Variants in ABHD2 observed in about 807,000 individuals in gnomAD.
ABHD2 encodes abhydrolase domain containing 2, acylglycerol lipase, also known as monoacylglycerol lipase ABHD2.
A neutral mutation model predicts 48.1 loss-of-function variants in ABHD2; 20 were observed. The observed-to-expected ratio is 0.42, with a 90% CI of 0.29 to 0.60. ABHD2 has a LOEUF of 0.60. ABHD2 is among the 20% of genes least tolerant of loss of function. ABHD2 has a pLI of 0.24. For missense variants in ABHD2, 405 were observed against 550.9 expected, an observed-to-expected ratio of 0.74 and a Z score of 2.65; for synonymous variants, 209 against 214.2, an observed-to-expected ratio of 0.98 and a Z score of 0.21.
chr15:89,151,689 G>C lies in ABHD2; in HGVS notation c.207G>C (p.Pro69=), dbSNP rs144690140. 1 of 1,613,862 alleles carries C rather than the reference G, an allele frequency of 6.2e-7. No individual in the cohort carries two copies. The highest frequency in any genetic ancestry group is 8.5e-7 in the Non-Finnish European group (1 of 1,179,898). ...CPLLTKEYIP[P]LIWGKSGHIQ... is the part of the protein sequence containing the mutation. ...GTCCTTTCTTTAGATACATTCCACC[G>C]TTGATCTGGGGGAAAAGTGGACACA... Residue 69 remains proline (P), a synonymous_variant, in exon 4 of 11, where the codon CCG becomes CCC. Coordinates refer to ENST00000352732, the MANE Select transcript of ABHD2 (RefSeq NM_152924.5). This position sits in a 1 kb window ranked among gnomAD's most constrained non-coding sequence, Gnocchi z 4.7.
chr15:89,056,377 C>T, the ABHD2 span, among the ~76,000 whole-genome samples: 1 of 152,162 alleles, frequency 6.6e-6, no homozygotes, highest in South Asian at 2.1e-4. Flanking sequence ...AACACCATGC[C>T]CCAGTGCAGG....
intron 5 of ABHD2, among the ~76,000 whole-genome samples, chr15:89,156,173 T>C (rs1011588204): frequency 7.2e-6 from 1 of 138,654 alleles, no homozygotes; most frequent in African/African-American, 2.7e-5. Context: ...CAGGCTGGAG[T>C]GCAGTGGCAC....
chr15:89,127,706 C>CATATAT lies in ABHD2; in HGVS notation c.194+11193_194+11198dup, dbSNP rs71464446. On this transcript the variant is annotated intron_variant, in intron 3 of 10. Coordinates refer to ENST00000352732, the MANE Select transcript of ABHD2 (RefSeq NM_152924.5). ...TCTTCTCAGTGAATATATATATATA[C>CATATAT]ATATATATATATACACATATATATA... is the stretch of plus-strand genomic sequence containing the variant. 8.7e-3 allele frequency among the ~76,000 whole-genome samples: 1,132 copies of CATATAT among 129,754 alleles called. 35 individuals are homozygous for CATATAT. The highest frequency in any genetic ancestry group is 0.017 in the African/African-American group (485 of 27,834). 85.1% of individuals were successfully genotyped at this position (129,754 alleles called of 152,430 possible).
the ABHD2 span, among the ~76,000 whole-genome samples, chr15:89,050,325 G>A: frequency 2.6e-5 from 4 of 152,160 alleles, no homozygotes; most frequent in East Asian, 5.8e-4. Flanking sequence ...CAGGGATGGC[G>A]GATGTCTCAG....
rs995852987 is a variant in ABHD2 at position 89,175,409 on chromosome 15, G to T, written c.539-403G>T. Among the ~76,000 whole-genome samples, 7 of 151,964 alleles carry T rather than the reference G, an allele frequency of 4.6e-5. No homozygotes were observed. The highest frequency in any genetic ancestry group is 8.8e-5 in the Non-Finnish European group (6 of 67,958). ...TGTAGAGGTGGGGTCTCACCATTTT[G>T]TCCAGGCTGGCCTAGCTTTTATTTA... On this transcript the variant is annotated intron_variant, in intron 5 of 10. Transcript: ENST00000352732. The surrounding 1 kb of genome is among the most constrained non-coding windows in gnomAD (Gnocchi z 5.7).
Position 89,188,332 on chromosome 15 carries a change from C to T in ABHD2, c.926+29C>T, listed in dbSNP as rs770403421. 30 of 1,604,442 alleles carry T rather than the reference C, an allele frequency of 1.9e-5. No homozygotes were observed. Among genetic ancestry groups the T allele is most frequent in the South Asian group, 1.3e-4 (12 of 90,798 alleles). ...TGTCCGCGCAGGCGGGAGAGGGACG[C>T]TCTGGGGCAGGGTGCCAGGCAGGAG... On this transcript the variant is annotated intron_variant, in intron 8 of 10. Coordinates refer to ENST00000352732, the MANE Select transcript of ABHD2 (RefSeq NM_152924.5). The surrounding 1 kb of genome is among the most constrained non-coding windows in gnomAD (Gnocchi z 4.1).
chr15:89,077,082 C>T, the ABHD2 span, among the ~76,000 whole-genome samples: 14 of 152,280 alleles, frequency 9.2e-5, no homozygotes, highest in African/African-American at 3.4e-4. Flanking sequence ...TAAGTGAACA[C>T]ACCTGTGTAA....
At chr15:89,058,576 G>C in the ABHD2 span, among the ~76,000 whole-genome samples, 1 of 152,098 alleles carries the variant, frequency 6.6e-6, no homozygotes, top group South Asian at 2.1e-4. Context: ...CCTGCTCTGG[G>C]CCCAGGGGAT....
Position 89,140,927 on chromosome 15 carries a change from G to A in ABHD2, c.195-10750G>A, listed in dbSNP as rs200649800. Among the ~76,000 whole-genome samples, 3 of 152,026 alleles carry A rather than the reference G, an allele frequency of 2.0e-5. No individual in the cohort carries two copies. In the East Asian group the frequency reaches 5.8e-4, roughly 29 times the overall value. ...TGCCCAGAGACAGTGTGTTACTAAG[G>A]GATGCTCAGGGCATAACTTTATTAT... On this transcript the variant is annotated intron_variant, in intron 3 of 10. Transcript: ENST00000352732.
At chr15:89,055,568 C>A in the ABHD2 span, among the ~76,000 whole-genome samples, 1 of 152,266 alleles carries the variant, frequency 6.6e-6, no homozygotes, top group African/African-American at 2.4e-5. Context: ...CTCTGGACCA[C>A]AAGCGATCCG....
chr15:89,096,972 A>C (rs2049622928), intron 1 of ABHD2, among the ~76,000 whole-genome samples: 1 of 152,212 alleles, frequency 6.6e-6, no homozygotes, highest in Non-Finnish European at 1.5e-5. Context: ...AGCAGCCTCA[A>C]GTTTATTTTC....
intron 3 of ABHD2, among the ~76,000 whole-genome samples, chr15:89,131,223 C>G (rs1020030736): frequency 6.6e-6 from 1 of 152,230 alleles, no homozygotes; most frequent in Non-Finnish European, 1.5e-5. Context: ...TCCTTCTTCC[C>G]TATATTCCTT....
In ABHD2 at chr15:89,177,805, A is replaced by AAG. The variant is rs1345341036; in HGVS notation, c.722+1811_722+1812dup. Among the ~76,000 whole-genome samples, 1 of 152,198 alleles carries AAG rather than the reference A, an allele frequency of 6.6e-6. No individual in the cohort carries two copies. The highest frequency in any genetic ancestry group is 1.5e-5 in the Non-Finnish European group (1 of 68,032). On this transcript the variant is annotated intron_variant, in intron 6 of 10. Transcript: ENST00000352732. This position sits in a 1 kb window ranked among gnomAD's most constrained non-coding sequence, Gnocchi z 5.6. ...TCACTGGGATAAGAAAGACATGAGC[A>AAG]AGGGGCCTACCCCAGGATCCAAGGG... is the stretch of plus-strand genomic sequence containing the variant.
At position 89,155,119 on chromosome 15, in the gene ABHD2, T is replaced by C. The variant is rs189368523; in HGVS notation, c.371-248T>C. On this transcript the variant is annotated intron_variant, in intron 4 of 10. Coordinates refer to ENST00000352732, the MANE Select transcript of ABHD2 (RefSeq NM_152924.5). This position sits in a 1 kb window ranked among gnomAD's most constrained non-coding sequence, Gnocchi z 4.9. ...CATTTTTCCAGTAATTAACTTCTAT[T>C]GTCTTTTCAAAAGTATCTGTTCATG... is the stretch of plus-strand genomic sequence containing the variant. Among the ~76,000 whole-genome samples, 2 of 152,178 alleles carry C rather than the reference T, an allele frequency of 1.3e-5. No individual in the cohort carries two copies. Among genetic ancestry groups the C allele is most frequent in the African/African-American group, 4.8e-5 (2 of 41,404 alleles).
chr15:89,138,792 C>T (rs2050355966), intron 3 of ABHD2, among the ~76,000 whole-genome samples: 1 of 151,652 alleles, frequency 6.6e-6, no homozygotes, highest in African/African-American at 2.4e-5. Flanking sequence ...GTTGATGAGT[C>T]TTGAGTGTGA....
rs766367402 is a variant in ABHD2, at chr15:89,179,746, C to T, written c.722+3751C>T. On this transcript the variant is annotated intron_variant, in intron 6 of 10. Transcript: ENST00000352732. The surrounding 1 kb of genome is among the most constrained non-coding windows in gnomAD (Gnocchi z 4.3). Reference sequence around the variant, plus strand: ...GCCAGTCCCAAGGACTGCTTCCTTACAGGACAGTAGGGGAATTATCAGAGG... The same window carrying T: ...GCCAGTCCCAAGGACTGCTTCCTTATAGGACAGTAGGGGAATTATCAGAGG... 5.9e-5 allele frequency among the ~76,000 whole-genome samples: 9 copies of T among 152,178 alleles called. No homozygotes were observed. Among genetic ancestry groups the T allele is most frequent in the Non-Finnish European group, 1.0e-4 (7 of 68,016 alleles).
chr15:89,094,000 G>A (rs1295830878), intron 1 of ABHD2: 3 of 152,152 alleles, frequency 2.0e-5, no homozygotes, highest in African/African-American at 7.2e-5. Context: ...CTGGTTTAGA[G>A]CCACCTGGAA....
At chr15:89,049,599 T>G in the ABHD2 span, among the ~76,000 whole-genome samples, 1 of 152,162 alleles carries the variant, frequency 6.6e-6, no homozygotes, top group Non-Finnish European at 1.5e-5. Flanking sequence ...TCGTGCGCCG[T>G]TTTTTAAGCC....
intron 3 of ABHD2, among the ~76,000 whole-genome samples, chr15:89,135,151 T>C (rs1302299493): frequency 2.0e-5 from 3 of 148,754 alleles, no homozygotes; most frequent in Admixed American, 6.8e-5. Flanking sequence ...TTCTTTTTTT[T>C]TTTTTTTTTT....
Sources: allele counts gnomAD v4.1 joint callset (sites outside exome capture counted in the v4.1 genomes callset), GRCh38; gene constraint gnomAD v4.1.1; non-coding constraint Gnocchi (gnomAD v3.1); transcripts MANE v1.5; gene names NCBI Gene and HGNC (gene_info 2026-07-23, HGNC 2026-07-21).